Variants in SEMA3A observed in about 807,000 individuals in gnomAD.
SEMA3A encodes semaphorin 3A.
A neutral mutation model predicts 97.9 loss-of-function variants in SEMA3A; 29 were observed. That is an observed-to-expected ratio of 0.30 (90% CI 0.22 to 0.40). The LOEUF is 0.40. Among genes scored for constraint, SEMA3A ranks in the 10% least tolerant of loss-of-function variants. The pLI is 1.00. For synonymous variants in SEMA3A, 321 were observed against 323.7 expected (o/e 0.99, Z 0.09); for missense variants, 763 against 951.3 (o/e 0.80, Z 2.60).
chr7:84,408,694 C>T (rs1000237841), intron 1 of SEMA3A, among the ~76,000 whole-genome samples: 3 of 136,570 alleles, frequency 2.2e-5, no homozygotes, highest in Admixed American at 7.7e-5. Flanking sequence ...ACATATACAC[C>T]ATGGAATACT....
chr7:84,454,933 T>A (rs187722467), intron 1 of SEMA3A, among the ~76,000 whole-genome samples: 1 of 152,100 alleles, frequency 6.6e-6, no homozygotes, highest in East Asian at 1.9e-4. Flanking sequence ...AAGTAGCACC[T>A]CAAGGTTTAA....
At chr7:84,251,388 G>C (rs1247834455) in intron 3 of SEMA3A, among the ~76,000 whole-genome samples, 1 of 152,166 alleles carries the variant, frequency 6.6e-6, no homozygotes, top group African/African-American at 2.4e-5. Context: ...TGTTAGCCAA[G>C]AGTGTGCTTC....
chr7:84,057,211 G>A (rs1318667236), intron 5 of SEMA3A, among the ~76,000 whole-genome samples: 4 of 152,120 alleles, frequency 2.6e-5, no homozygotes, highest in Non-Finnish European at 5.9e-5. Flanking sequence ...ACCTCTTAGG[G>A]ATGGAATATT....
intron 1 of SEMA3A, 53 bp from the exon 2 acceptor site, chr7:84,135,004 C>A: frequency 2.0e-6 from 3 of 1,469,212 alleles, no homozygotes; most frequent in Non-Finnish European, 2.8e-6. Flanking sequence ...ACTATATAAG[C>A]ATAGACTGTT....
chr7:84,193,046 G>A (rs1361727509), intron 1 of SEMA3A, among the ~76,000 whole-genome samples: 2 of 151,920 alleles, frequency 1.3e-5, no homozygotes, highest in East Asian at 1.9e-4. Context: ...ATTAAATAAC[G>A]CTACATGATT....
chr7:84,058,104 T>A (rs1411112395), intron 5 of SEMA3A, among the ~76,000 whole-genome samples: 1 of 137,258 alleles, frequency 7.3e-6, no homozygotes, highest in Non-Finnish European at 1.7e-5. Context: ...GTATAAAAAA[T>A]ATTTGCTGCC....
chr7:84,033,412 T>C (rs1234031610), intron 6 of SEMA3A, among the ~76,000 whole-genome samples: 1 of 152,178 alleles, frequency 6.6e-6, no homozygotes, highest in Non-Finnish European at 1.5e-5. Context: ...GGGCTTTCAT[T>C]GATTGTTGCT....
At position 84,011,019 on chromosome 7, in the gene SEMA3A, T is replaced by C; in HGVS notation, c.995+3A>G. 1 of 1,593,666 alleles carries C rather than the reference T, an allele frequency of 6.3e-7. No homozygotes were observed. The highest frequency in any genetic ancestry group is 8.6e-7 in the Non-Finnish European group (1 of 1,166,264). On this transcript the variant is annotated splice_donor_region_variant and intron_variant, in intron 9 of 16. Coordinates refer to ENST00000265362, the MANE Select transcript of SEMA3A (RefSeq NM_006080.3). ...TCTATAAGGTAGTTAAAAAGTTACTTACCTGGAAGTCGTAAACACTCCATA... is the reference window on the plus strand; with the variant it reads ...TCTATAAGGTAGTTAAAAAGTTACTCACCTGGAAGTCGTAAACACTCCATA...
intron 15 of SEMA3A, among the ~76,000 whole-genome samples, chr7:83,975,148 CCA>C (rs1219873781): frequency 2.0e-5 from 3 of 152,086 alleles, no homozygotes; most frequent in African/African-American, 7.2e-5. Context: ...ATTTATGTAT[CCA>C]CAGTCATACT....
intron 1 of SEMA3A, among the ~76,000 whole-genome samples, chr7:84,427,731 GAAT>G (rs974760679): frequency 1.4e-5 from 2 of 146,500 alleles, no homozygotes; most frequent in Non-Finnish European, 3.0e-5. Flanking sequence ...TAGATGCTTT[GAAT>G]AAGAGCTACA....
chr7:84,346,249 G>A (rs1209364684), intron 2 of SEMA3A, among the ~76,000 whole-genome samples: 1 of 152,126 alleles, frequency 6.6e-6, no homozygotes, highest in Non-Finnish European at 1.5e-5. Context: ...TGTTGTGGCT[G>A]GTTTGATCTT....
At chr7:84,003,151 A>C (rs1417076251) in intron 11 of SEMA3A, among the ~76,000 whole-genome samples, 2 of 152,076 alleles carry the variant, frequency 1.3e-5, no homozygotes, top group Admixed American at 1.3e-4. Context: ...GAGAACCAAC[A>C]TGATATGTTA....
chr7:84,419,061 G>A (rs1804517611), intron 1 of SEMA3A, among the ~76,000 whole-genome samples: 1 of 151,828 alleles, frequency 6.6e-6, no homozygotes, highest in South Asian at 2.1e-4. Context: ...TTATATAGTA[G>A]GATTCAACTT....
intron 1 of SEMA3A, among the ~76,000 whole-genome samples, chr7:84,489,449 C>T (rs929855492): frequency 6.6e-6 from 1 of 152,076 alleles, no homozygotes; most frequent in Non-Finnish European, 1.5e-5. Flanking sequence ...CTATCTACTT[C>T]ATTGGACTGT....
chr7:84,440,606 G>A (rs1261073397), intron 1 of SEMA3A, among the ~76,000 whole-genome samples: 1 of 152,066 alleles, frequency 6.6e-6, no homozygotes, highest in South Asian at 2.1e-4. Flanking sequence ...ATATTCATGG[G>A]ATAATGGAAT....
intron 2 of SEMA3A, among the ~76,000 whole-genome samples, chr7:84,312,913 T>TAC (rs1174689479): frequency 4.0e-3 from 201 of 49,654 alleles, no homozygotes; most frequent in Non-Finnish European, 6.7e-3. Context: ...TATATATATA[T>TAC]ATATATATAC....
At chr7:84,180,120 A>G (rs979098659) in intron 1 of SEMA3A, among the ~76,000 whole-genome samples, 1 of 149,550 alleles carries the variant, frequency 6.7e-6, no homozygotes, top group Non-Finnish European at 1.5e-5. Flanking sequence ...CTGATTTTGT[A>G]TTTTTAGTAG....
At chr7:84,137,083 C>G (rs1037875005) in intron 1 of SEMA3A, among the ~76,000 whole-genome samples, 3 of 151,918 alleles carry the variant, frequency 2.0e-5, no homozygotes, top group Non-Finnish European at 2.9e-5. Context: ...GACAGAAAAT[C>G]CACTACATAA....
intron 1 of SEMA3A, among the ~76,000 whole-genome samples, chr7:84,485,945 A>G (rs898710294): frequency 6.6e-6 from 1 of 152,182 alleles, no homozygotes. Context: ...AAATTGGGAA[A>G]ATTTTTGATA....
Sources: allele counts gnomAD v4.1 joint callset (sites outside exome capture counted in the v4.1 genomes callset), GRCh38; gene constraint gnomAD v4.1.1; transcripts MANE v1.5; gene names NCBI Gene and HGNC (gene_info 2026-07-23, HGNC 2026-07-21).